The following RTF1 variants were observed in gnomAD, a reference collection of about 807,000 sequenced individuals.
The protein encoded by RTF1 is RTF1 homolog, Paf1/RNA polymerase II complex component.
RTF1 carries 10 observed loss-of-function variants against 95.7 expected under a neutral mutation model. That is an observed-to-expected ratio of 0.10 (90% CI 0.06 to 0.18). The LOEUF is 0.18. Ranked by LOEUF, RTF1 falls within the 10% of genes least tolerant of loss-of-function variation. RTF1 has a pLI of 1.00. For synonymous variants in RTF1, 305 were observed against 311.8 expected (o/e 0.98, Z 0.23); for missense variants, 458 against 875.6 (o/e 0.52, Z 6.02).
chr15:41,417,721 C>T (rs1485659498), intron 1 of RTF1, among the ~76,000 whole-genome samples: 3 of 152,112 alleles, frequency 2.0e-5, no homozygotes, highest in Non-Finnish European at 4.4e-5. Context: ...GGGTGCGCGT[C>T]GAGCAGTTGG....
chr15:41,459,912 A>C (rs2050838693), intron 4 of RTF1, among the ~76,000 whole-genome samples: 1 of 152,192 alleles, frequency 6.6e-6, no homozygotes, highest in African/African-American at 2.4e-5. Flanking sequence ...TTGGAAATAA[A>C]ATAGCCCTCA....
chr15:41,466,804 G>A (rs76623018), intron 6 of RTF1, among the ~76,000 whole-genome samples: 7,802 of 152,274 alleles, frequency 0.051, 246 homozygotes, highest in East Asian at 0.16. Context: ...GCCTTGCAGC[G>A]TTATTTGCTG....
chr15:41,477,845 C>A (rs1188850671), intron 14 of RTF1, among the ~76,000 whole-genome samples: 1 of 152,234 alleles, frequency 6.6e-6, no homozygotes, highest in Non-Finnish European at 1.5e-5. Flanking sequence ...GTGTCTCACG[C>A]CTGTAATCCC....
chr15:41,440,115 T>C (rs1307201455), intron 2 of RTF1: 1 of 152,052 alleles, frequency 6.6e-6, no homozygotes, highest in Non-Finnish European at 1.5e-5. Context: ...AGCAGCTGAA[T>C]AGTATTTACC....
chr15:41,431,691 G>T (rs1036499145), intron 1 of RTF1, among the ~76,000 whole-genome samples: 1 of 152,062 alleles, frequency 6.6e-6, no homozygotes, highest in Admixed American at 6.6e-5. Context: ...TACAGACGGG[G>T]TTTCACCACA....
At chr15:41,446,035 C>T (rs2050759111) in intron 2 of RTF1, among the ~76,000 whole-genome samples, 1 of 152,052 alleles carries the variant, frequency 6.6e-6, no homozygotes, top group Non-Finnish European at 1.5e-5. Flanking sequence ...GCCACCACAC[C>T]CAGCTTCCTC....
Position 41,442,617 on chromosome 15 carries a change from G to A in RTF1, c.309+4186G>A, listed in dbSNP as rs141809059. On this transcript the variant is annotated intron_variant, in intron 2 of 17. Transcript: ENST00000389629. ...TGGCAATTCTCGGGCCAGGCATGGT[G>A]GCTCACACCTGTAATCCCAGCACTT... is the stretch of plus-strand genomic sequence containing the variant. 5.3e-3 allele frequency among the ~76,000 whole-genome samples: 814 copies of A among 152,170 alleles called. 11 individuals are homozygous for A. The highest frequency in any genetic ancestry group is 0.018 in the African/African-American group (759 of 41,514).
At chr15:41,469,249 C>T (rs1482670792) in intron 6 of RTF1, among the ~76,000 whole-genome samples, 1 of 151,936 alleles carries the variant, frequency 6.6e-6, no homozygotes, top group African/African-American at 2.4e-5. Context: ...GCCAACACTC[C>T]CAGCCTAAAA....
At chr15:41,426,312 AT>A (rs540070805) in intron 1 of RTF1, among the ~76,000 whole-genome samples, 65 of 142,910 alleles carry the variant, frequency 4.5e-4, no homozygotes, top group Non-Finnish European at 3.5e-4. Context: ...GTTTGTTTTT[AT>A]TTTTTTTTTT....
chr15:41,451,087 C>G (rs1162089165), intron 2 of RTF1, among the ~76,000 whole-genome samples: 5 of 152,016 alleles, frequency 3.3e-5, no homozygotes, highest in African/African-American at 1.2e-4. Context: ...ACACCTCTAC[C>G]CAACCCCACC....
chr15:41,442,850 T>C (rs1347144485), intron 2 of RTF1, among the ~76,000 whole-genome samples: 1 of 152,128 alleles, frequency 6.6e-6, no homozygotes, highest in East Asian at 1.9e-4. Flanking sequence ...CGCTCCACTA[T>C]ATTCCAGGCT....
intron 1 of RTF1, among the ~76,000 whole-genome samples, chr15:41,436,031 G>A (rs2050699986): frequency 6.6e-6 from 1 of 152,056 alleles, no homozygotes; most frequent in African/African-American, 2.4e-5. Flanking sequence ...TCTTGGCCTG[G>A]TGTGGTGGTT....
At chr15:41,426,431 G>A (rs1424056374) in intron 1 of RTF1, among the ~76,000 whole-genome samples, 1 of 151,242 alleles carries the variant, frequency 6.6e-6, no homozygotes, top group Non-Finnish European at 1.5e-5. Context: ...TCAGCCTCCC[G>A]AGTAGCTGGG....
intron 2 of RTF1, among the ~76,000 whole-genome samples, chr15:41,442,287 C>A (rs992713228): frequency 1.1e-4 from 17 of 151,638 alleles, no homozygotes; most frequent in Non-Finnish European, 1.9e-4. Context: ...TCTGCCTCAG[C>A]CTCCCGAGCA....
chr15:41,438,608 C>A (rs2050717038), intron 2 of RTF1, among the ~76,000 whole-genome samples, 177 bp downstream of exon 2: 1 of 152,126 alleles, frequency 6.6e-6, no homozygotes, highest in African/African-American at 2.4e-5. Flanking sequence ...CTCCTGTAAT[C>A]CCAGCACTTT....
At position 41,457,841 on chromosome 15, in the gene RTF1, C is replaced by T; in HGVS notation, c.627C>T (p.Phe209=). ...MTEKEREQEL[F]NRIEKREVLK... is the part of the protein sequence containing the mutation. ...AGAAAGAGAGAGAGCAAGAACTGTTCAATCGCATAGAGAAGAGGGAGGTGT... is the reference window on the plus strand; with the variant it reads ...AGAAAGAGAGAGAGCAAGAACTGTTTAATCGCATAGAGAAGAGGGAGGTGT... The change falls in exon 4 of 18, where the codon TTC becomes TTT. Residue 209 remains phenylalanine (F), a synonymous_variant. Transcript: ENST00000389629. 6.2e-7 allele frequency: 1 copy of T among 1,613,984 alleles called. No homozygotes were observed. Among genetic ancestry groups the T allele is most frequent in the East Asian group, 2.2e-5 (1 of 44,870 alleles).
intron 4 of RTF1, among the ~76,000 whole-genome samples, chr15:41,460,237 C>T (rs1042383130): frequency 6.6e-6 from 1 of 151,746 alleles, no homozygotes; most frequent in African/African-American, 2.4e-5. Flanking sequence ...ATTCTCCTGC[C>T]TCAGCCTCCC....
intron 1 of RTF1, among the ~76,000 whole-genome samples, chr15:41,434,729 G>C (rs1051504178): frequency 7.3e-5 from 11 of 151,678 alleles, no homozygotes; most frequent in African/African-American, 2.4e-4. Flanking sequence ...CCAGGTTGAA[G>C]CAGTTCTCCT....
In RTF1 at chr15:41,480,764, C is replaced by A; in HGVS notation, c.*77C>A. 2.9e-6 allele frequency: 3 copies of A among 1,045,764 alleles called. No homozygotes were observed. Among genetic ancestry groups the A allele is most frequent in the Non-Finnish European group, 3.0e-6 (2 of 672,274 alleles). The allele number at this position is 1,045,764 out of a possible 1,614,324, so 64.8% of individuals were successfully genotyped here. On this transcript the variant is annotated 3_prime_UTR_variant, in exon 18 of 18. Coordinates refer to ENST00000389629, the MANE Select transcript of RTF1 (RefSeq NM_015138.5). ...CCTTTCCTCCTTTCCTTTGATTTAG[C>A]CTCTTTGGGCTGGAGCAGCTGTTGA...
Sources: allele counts gnomAD v4.1 joint callset (sites outside exome capture counted in the v4.1 genomes callset), GRCh38; gene constraint gnomAD v4.1.1; transcripts MANE v1.5; gene names NCBI Gene and HGNC (gene_info 2026-07-23, HGNC 2026-07-21).